The following CCP110 variants were observed in gnomAD, a reference collection of about 807,000 sequenced individuals.
The protein encoded by CCP110 is centriolar coiled-coil protein of 110 kDa.
CCP110 carries 43 observed loss-of-function variants against 105.5 expected under a neutral mutation model. The observed-to-expected ratio is 0.41, with a 90% CI of 0.32 to 0.53. The LOEUF (loss-of-function observed/expected upper bound fraction) is 0.53. Among genes scored for constraint, CCP110 ranks in the 20% least tolerant of loss-of-function variants. The probability of loss-of-function intolerance (pLI) is 0.32; values close to 1 mark genes in which losing one functional copy is unlikely to be tolerated. For synonymous variants in CCP110, 353 were observed against 392.1 expected, an observed-to-expected ratio of 0.90 and a Z score of 1.18; for missense variants, 1,016 against 1,189.1, an observed-to-expected ratio of 0.85 and a Z score of 2.14.
At chr16:19,551,279 G>C in exon 15 of CCP110, 2 of 1,570,126 alleles carry the variant, frequency 1.3e-6, no homozygotes, top group Non-Finnish European at 1.8e-6. Context: ...TAAAATGGGG[G>C]GAAGGATTAT....
At chr16:19,538,209 C>T (rs1266747623) in intron 4 of CCP110, among the ~76,000 whole-genome samples, 1 of 151,592 alleles carries the variant, frequency 6.6e-6, no homozygotes, top group African/African-American at 2.4e-5. Flanking sequence ...AGGCGTGAGC[C>T]ATCATGCCTG....
intron 1 of CCP110, chr16:19,525,185 T>G (rs1969627086): frequency 6.6e-6 from 1 of 152,172 alleles, no homozygotes; most frequent in African/African-American, 2.4e-5. Flanking sequence ...TCTGTGTTAC[T>G]TTTACCACTC....
intron 1 of CCP110, chr16:19,527,096 G>A (rs1013914994): frequency 6.6e-6 from 1 of 152,146 alleles, no homozygotes; most frequent in Non-Finnish European, 1.5e-5. Context: ...CAGAAACTGT[G>A]AAATTACTGG....
At chr16:19,529,539 T>C (rs1355358996) in intron 2 of CCP110, among the ~76,000 whole-genome samples, 1 of 152,220 alleles carries the variant, frequency 6.6e-6, no homozygotes, top group Non-Finnish European at 1.5e-5. Flanking sequence ...TTTGCTTTAT[T>C]GTGTTTGTGA....
Position 19,533,471 on chromosome 16 carries a change from GA to G in CCP110, c.270+936del, listed in dbSNP as rs1482653043. 6.0e-5 allele frequency among the ~76,000 whole-genome samples: 9 copies of G among 149,760 alleles called. No homozygotes were observed. In the South Asian group the frequency reaches 1.1e-3, roughly 17 times the overall value. ...GAACAGCAGGAGGGGAAAGAGGAAA[GA>G]AAAAAAAAGGAGGGTAGGTAATGAG... On this transcript the variant is annotated intron_variant, in intron 3 of 14. Coordinates refer to ENST00000381396, the Ensembl canonical transcript of CCP110.
At position 19,538,302 on chromosome 16, in the gene CCP110, C is replaced by CTTTTTTTTTTTTTTTTTTT. The variant is rs1164690143; in HGVS notation, c.1918+725_1918+743dup. On this transcript the variant is annotated intron_variant, in intron 4 of 14. Transcript: ENST00000381396. Reference sequence around the variant, plus strand: ...ATATTAATAATTGGAGGAAACAGTTCTTTTTTTTTTTTTTTTTTTTTTTTT... The same window carrying CTTTTTTTTTTTTTTTTTTT: ...ATATTAATAATTGGAGGAAACAGTTCTTTTTTTTTTTTTTTTTTTTTTTTTTTTTTTTTTTTTTTTTTTT... 7.2e-5 allele frequency among the ~76,000 whole-genome samples: 4 copies of CTTTTTTTTTTTTTTTTTTT among 55,246 alleles called. 1 individual carries two copies. The highest frequency in any genetic ancestry group is 3.6e-4 in the African/African-American group (4 of 11,078). The allele number at this position is 55,246 out of a possible 152,430, so 36.2% of individuals were successfully genotyped here.
chr16:19,529,916 G>C (rs1969802138), intron 2 of CCP110, among the ~76,000 whole-genome samples: 1 of 152,138 alleles, frequency 6.6e-6, no homozygotes, highest in Non-Finnish European at 1.5e-5. Context: ...TATTGGTTGA[G>C]CATGGTGCCT....
At chr16:19,546,698 C>T in intron 12 of CCP110, 1 of 339,892 alleles carries the variant, frequency 2.9e-6, no homozygotes, top group East Asian at 6.2e-5. Flanking sequence ...GCCTGTAATC[C>T]CAGCTACTCA....
chr16:19,540,315 C>CA (rs1342966557), intron 4 of CCP110, among the ~76,000 whole-genome samples: 2 of 152,034 alleles, frequency 1.3e-5, no homozygotes, highest in African/African-American at 2.4e-5. Context: ...GGACAAGTGT[C>CA]AAAAAAACAA....
chr16:19,537,167 GC>G lies in CCP110; in HGVS notation c.1499del (p.Ala500GlyfsTer15). 6.2e-7 allele frequency: 1 copy of G among 1,614,198 alleles called. No homozygotes were observed. Among genetic ancestry groups the G allele is most frequent in the Non-Finnish European group, 8.5e-7 (1 of 1,180,040 alleles). ...ACACATAATGAACAGTACCTGTGCT[GC>G]GATGCCAAAGCTGCATGAACCATAT... On this transcript the variant is annotated frameshift_variant, in exon 4 of 15. Transcript: ENST00000381396. LOFTEE classifies it high-confidence loss of function.
Position 19,540,721 on chromosome 16 carries a change from A to G in CCP110, c.1983A>G (p.Glu661=), listed in dbSNP as rs142241611. The change falls in exon 5 of 15, where the codon GAA becomes GAG. Residue 661 remains glutamate, a synonymous_variant. Transcript: ENST00000381396. ...AAGAAATGCGGAAGAGACTAGAAGA[A>G]CAGCACGCCCAGCAATTATCACTAC... The G allele has an allele frequency of 7.6e-4, 1,233 of 1,613,364 alleles. 1 individual carries two copies. The highest frequency in any genetic ancestry group is 9.8e-4 in the Non-Finnish European group (1,151 of 1,179,438).
intron 8 of CCP110, 80 bp from the exon 9 acceptor site, chr16:19,544,716 CT>C: frequency 1.3e-6 from 1 of 753,430 alleles, no homozygotes; most frequent in Non-Finnish European, 2.3e-6. Flanking sequence ...TTTGGATTGA[CT>C]GAGAAAAAGA....
exon 4 of CCP110, chr16:19,537,569 T>A: frequency 6.4e-7 from 1 of 1,570,250 alleles, no homozygotes; most frequent in Non-Finnish European, 8.6e-7. Flanking sequence ...GAATAAAATG[T>A]TAGGAACTAG....
At chr16:19,539,955 A>G (rs1342740907) in intron 4 of CCP110, among the ~76,000 whole-genome samples, 1 of 151,684 alleles carries the variant, frequency 6.6e-6, no homozygotes, top group Non-Finnish European at 1.5e-5. Flanking sequence ...ATGCGCTTGT[A>G]TTTTTTCAGT....
At chr16:19,545,322 A>G (rs1970426005) in intron 10 of CCP110, 112 bp downstream of exon 10, 2 of 568,628 alleles carry the variant, frequency 3.5e-6, no homozygotes, top group East Asian at 2.9e-5. Flanking sequence ...CTTAAGCACA[A>G]GTAATTCCTG....
intron 3 of CCP110, among the ~76,000 whole-genome samples, chr16:19,532,783 A>G (rs1969920814): frequency 6.6e-6 from 1 of 152,240 alleles, no homozygotes; most frequent in African/African-American, 2.4e-5. Flanking sequence ...TACACTGAAT[A>G]TAATTGCTTA....
At position 19,536,755 on chromosome 16, in the gene CCP110, C is replaced by CA; in HGVS notation, c.1089dup (p.Leu364IlefsTer3). 6.2e-7 allele frequency: 1 copy of CA among 1,614,054 alleles called. No individual in the cohort carries two copies. The highest frequency in any genetic ancestry group is 8.5e-7 in the Non-Finnish European group (1 of 1,180,006). ...TCAAAAGTCTTACAGGTTCATATGCCAAATTACCTAGTCCAGAGCCAAGTA... is the reference window on the plus strand; with the variant it reads ...TCAAAAGTCTTACAGGTTCATATGCCAAAATTACCTAGTCCAGAGCCAAGTA... On this transcript the variant is annotated frameshift_variant, in exon 4 of 15. Transcript: ENST00000381396. LOFTEE classifies it high-confidence loss of function.
At chr16:19,544,265 TATTATGA>T (rs1970388560) in intron 8 of CCP110, among the ~76,000 whole-genome samples, 1 of 152,238 alleles carries the variant, frequency 6.6e-6, no homozygotes, top group African/African-American at 2.4e-5. Flanking sequence ...TCTCAGATAA[TATTATGA>T]ATAACATGTA....
chr16:19,536,514 G>A (rs781683712), exon 4 of CCP110: 1 of 1,614,054 alleles, frequency 6.2e-7, no homozygotes, highest in South Asian at 1.1e-5. Flanking sequence ...CAGTTGACAG[G>A]CAAACACTGT....
Sources: gnomAD v4.1 joint callset for allele counts (sites outside exome capture counted in the v4.1 genomes callset) on GRCh38, gnomAD v4.1.1 for gene constraint, MANE v1.5 for transcripts, NCBI Gene and HGNC (gene_info 2026-07-23, HGNC 2026-07-21) for gene names.